The following RFX4 variants were observed in gnomAD, a reference collection of about 807,000 sequenced individuals.
The protein encoded by RFX4 is transcription factor RFX4.
Under a neutral mutation model 95.0 loss-of-function variants are expected in RFX4, and 10 were observed. The ratio of observed to expected loss-of-function variants is 0.11; its 90% CI spans 0.06 to 0.18. The LOEUF (loss-of-function observed/expected upper bound fraction) is 0.18. RFX4 is among the 10% of genes least tolerant of loss of function. The probability of loss-of-function intolerance (pLI) is 1.00; values close to 1 mark genes in which losing one functional copy is unlikely to be tolerated. For missense variants in RFX4, 640 were observed against 922.0 expected (o/e 0.69, Z 3.96); for synonymous variants, 321 against 340.7 (o/e 0.94, Z 0.64).
intron 3 of RFX4, among the ~76,000 whole-genome samples, chr12:106,651,008 A>C (rs372877436): frequency 2.6e-5 from 4 of 152,144 alleles, no homozygotes; most frequent in African/African-American, 9.7e-5. Context: ...TTCTGAAAAT[A>C]ACATTTTTAT....
intron 1 of RFX4, among the ~76,000 whole-genome samples, chr12:106,597,977 C>G (rs1297754148): frequency 6.6e-6 from 1 of 152,218 alleles, no homozygotes; most frequent in Non-Finnish European, 1.5e-5. Flanking sequence ...AGAACTTGCT[C>G]TGGTCCAGGT....
At chr12:106,645,342 GC>G (rs1191173245) in intron 3 of RFX4, among the ~76,000 whole-genome samples, 1 of 151,584 alleles carries the variant, frequency 6.6e-6, no homozygotes. Context: ...GCCAACACAT[GC>G]CCCCTCCGTG....
At chr12:106,697,636 G>A (rs1335268967) in intron 8 of RFX4, among the ~76,000 whole-genome samples, 1 of 152,086 alleles carries the variant, frequency 6.6e-6, no homozygotes, top group Non-Finnish European at 1.5e-5. Flanking sequence ...TATGTGCCAT[G>A]CCTGTCTTCT....
At position 106,720,851 on chromosome 12, in the gene RFX4, G is replaced by A. The variant is rs1252792951; in HGVS notation, c.1326G>A (p.Met442Ile). 2 of 1,612,918 alleles carry A rather than the reference G, an allele frequency of 1.2e-6. No individual in the cohort carries two copies. The highest frequency in any genetic ancestry group is 1.7e-6 in the Non-Finnish European group (2 of 1,180,022). ...SCFGTRVIRD[M>I]TLHSAPSFGS... ...TCGGCACAAGGGTGATCCGGGACAT[G>A]ACCTTGCACAGCGCCCCCAGCTTCG... Residue 442 changes from methionine to isoleucine, a missense_variant, in exon 13 of 18, where the codon ATG becomes ATA. Transcript: ENST00000392842. The surrounding 1 kb of genome is among the most constrained non-coding windows in gnomAD (Gnocchi z 4.2).
intron 8 of RFX4, 60 bp from the exon 9 acceptor site, chr12:106,709,270 G>T: frequency 7.4e-6 from 10 of 1,344,450 alleles, no homozygotes; most frequent in Non-Finnish European, 1.1e-5. Context: ...CCCTCTAGGG[G>T]CCTGTGGGAG....
At chr12:106,730,058 C>G (rs1274477299) in intron 13 of RFX4, among the ~76,000 whole-genome samples, 1 of 151,972 alleles carries the variant, frequency 6.6e-6, no homozygotes, top group African/African-American at 2.4e-5. Flanking sequence ...GCCTTGAGCT[C>G]TGTGGGAACA....
chr12:106,690,248 G>T (rs770217310), intron 7 of RFX4, among the ~76,000 whole-genome samples: 2 of 152,210 alleles, frequency 1.3e-5, no homozygotes, highest in African/African-American at 4.8e-5. Flanking sequence ...CAAGATGGGA[G>T]TGTGTTGGTA....
chr12:106,710,651 G>A (rs1201191794), intron 9 of RFX4, among the ~76,000 whole-genome samples: 5 of 152,150 alleles, frequency 3.3e-5, no homozygotes, highest in African/African-American at 1.2e-4. Flanking sequence ...CAAAGTCGGC[G>A]GCAAGGAGGT....
rs1346770422 is a variant in RFX4, at chr12:106,583,169, TTCCTC to T, written c.-151_-147del. The T allele has an allele frequency of 1.7e-6, 1 of 599,488 alleles. No homozygotes were observed. The highest frequency in any genetic ancestry group is 3.2e-5 in the East Asian group (1 of 31,708). The allele number at this position is 599,488 out of a possible 1,614,324, so 37.1% of individuals were successfully genotyped here. A position where few individuals can be genotyped will look rare whatever the true frequency, so the allele number is the denominator to read the frequency against. ...CCTCTTCTTTTTCTTTTCTTTTCCT[TTCCTC>T]CTTTATCCTTGTGCCCCCTCACTTT... is the stretch of plus-strand genomic sequence containing the variant. On this transcript the variant is annotated 5_prime_UTR_variant, in exon 1 of 18. Transcript: ENST00000392842.
Position 106,608,794 on chromosome 12 carries a change from TAGAG to T in RFX4, c.44_47del (p.Glu15AlafsTer92). On this transcript the variant is annotated splice_acceptor_variant and coding_sequence_variant, in exon 2 of 18. Transcript: ENST00000392842. LOFTEE classifies it high-confidence loss of function. ...TTTCTTTCTTTCTTTTTTTTTTTTT[TAGAG>T]AGCTGGATTGAAAGATGTCTCAACG... is the stretch of plus-strand genomic sequence containing the variant. 1 of 1,559,034 alleles carries T rather than the reference TAGAG, an allele frequency of 6.4e-7. No homozygotes were observed. The highest frequency in any genetic ancestry group is 8.6e-7 in the Non-Finnish European group (1 of 1,158,748).
At chr12:106,751,198 G>C (rs887199866) in intron 17 of RFX4, among the ~76,000 whole-genome samples, 5 of 150,852 alleles carry the variant, frequency 3.3e-5, no homozygotes, top group Non-Finnish European at 7.4e-5. Context: ...TTGGTTTTTT[G>C]TTCTTGCGAT....
At chr12:106,642,667 T>A (rs1314644988) in intron 3 of RFX4, among the ~76,000 whole-genome samples, 1 of 152,044 alleles carries the variant, frequency 6.6e-6, no homozygotes, top group African/African-American at 2.4e-5. Flanking sequence ...CATTAGATAG[T>A]GAGAAGTGCT....
At chr12:106,674,858 C>A (rs1463943654) in intron 4 of RFX4, among the ~76,000 whole-genome samples, 1 of 152,120 alleles carries the variant, frequency 6.6e-6, no homozygotes, top group Non-Finnish European at 1.5e-5. Context: ...TGAATGAATC[C>A]CTGCTTTGTA....
chr12:106,735,042 T>C lies in RFX4; in HGVS notation c.1633+1957T>C, dbSNP rs369776820. Among the ~76,000 whole-genome samples, 158 of 144,206 alleles carry C rather than the reference T, an allele frequency of 1.1e-3. 1 individual carries two copies. The East Asian group carries it at 0.029, about 26-fold the overall frequency. The allele number at this position is 144,206 out of a possible 152,430, so 94.6% of individuals were successfully genotyped here. A position where few individuals can be genotyped will look rare whatever the true frequency, so the allele number is the denominator to read the frequency against. On this transcript the variant is annotated intron_variant, in intron 15 of 17. Coordinates refer to ENST00000392842, the MANE Select transcript of RFX4 (RefSeq NM_213594.3). Reference sequence around the variant, plus strand: ...GCACTCCAGCCTGGGTGATAGCCTGTTTAAAAAAAAAAAAAAAAGAAGAAG... The same window carrying C: ...GCACTCCAGCCTGGGTGATAGCCTGCTTAAAAAAAAAAAAAAAAGAAGAAG...
intron 3 of RFX4, among the ~76,000 whole-genome samples, chr12:106,641,707 C>T (rs1164598294): frequency 3.9e-5 from 6 of 152,144 alleles, no homozygotes; most frequent in South Asian, 2.1e-4. Context: ...TGTACATATT[C>T]GCCTATTCTT....
intron 3 of RFX4, among the ~76,000 whole-genome samples, chr12:106,646,501 G>C (rs745494327): frequency 2.0e-4 from 27 of 137,182 alleles, no homozygotes; most frequent in Non-Finnish European, 3.7e-4. Context: ...AGAGATTCCA[G>C]AAGCTACCTA....
intron 17 of RFX4, among the ~76,000 whole-genome samples, chr12:106,758,741 G>A (rs2043155653): frequency 2.0e-5 from 3 of 152,292 alleles, no homozygotes; most frequent in Admixed American, 6.5e-5. Flanking sequence ...CCTGCTCCTG[G>A]GTAACTTGGC....
intron 17 of RFX4, among the ~76,000 whole-genome samples, chr12:106,755,112 T>C (rs1017995101): frequency 3.3e-5 from 5 of 152,212 alleles, no homozygotes; most frequent in South Asian, 2.1e-4. Context: ...GAAAGCATTT[T>C]TGGAGACAGG....
chr12:106,703,047 T>C (rs531953417), intron 8 of RFX4, among the ~76,000 whole-genome samples: 1 of 152,338 alleles, frequency 6.6e-6, no homozygotes, highest in South Asian at 2.1e-4. Context: ...GTAGTTCATA[T>C]TGGCCCATTA....
Sources: gnomAD v4.1 joint callset for allele counts (sites outside exome capture counted in the v4.1 genomes callset) on GRCh38, gnomAD v4.1.1 for gene constraint, Gnocchi (gnomAD v3.1) non-coding constraint, MANE v1.5 for transcripts, NCBI Gene and HGNC (gene_info 2026-07-23, HGNC 2026-07-21) for gene names.